Variants in FYB2 observed in about 807,000 individuals in gnomAD.
FYB2 encodes FYN binding protein 2, also known as FYN-binding protein 2.
A neutral mutation model predicts 94.1 loss-of-function variants in FYB2; 103 were observed. The observed-to-expected ratio is 1.09, with a 90% CI of 0.93 to 1.29. FYB2 has a LOEUF of 1.29. Ranked by LOEUF, FYB2 falls within the 50% of genes most tolerant of loss-of-function variation. The pLI is 0.00. For synonymous variants in FYB2, 293 were observed against 287.9 expected, an observed-to-expected ratio of 1.02 and a Z score of -0.18; for missense variants, 896 against 841.5, an observed-to-expected ratio of 1.06 and a Z score of -0.80.
chr1:56,748,819 T>A (rs1645128220), intron 9 of FYB2, among the ~76,000 whole-genome samples: 1 of 152,048 alleles, frequency 6.6e-6, no homozygotes, highest in African/African-American at 2.4e-5. Context: ...CATCCACAAC[T>A]TTCTATCTGT....
At chr1:56,787,235 AAG>A (rs1646152940) in intron 3 of FYB2, 27 bp from the exon 4 acceptor site, 2 of 1,613,722 alleles carry the variant, frequency 1.2e-6, no homozygotes, top group Admixed American at 1.7e-5. Flanking sequence ...CGGAATGAAA[AAG>A]AGGCATTTGC....
At chr1:56,819,591 C>T, upstream of FYB2, 1 of 542,280 alleles carries the variant, frequency 1.8e-6, no homozygotes, top group South Asian at 2.2e-5. Context: ...GCGGCTCTTC[C>T]CGTTGCTCCC....
At chr1:56,728,894 A>G (rs555220479) in intron 15 of FYB2, among the ~76,000 whole-genome samples, 1 of 152,270 alleles carries the variant, frequency 6.6e-6, no homozygotes, top group African/African-American at 2.4e-5. Context: ...TCTATACCCA[A>G]CACCTAGCAC....
intron 4 of FYB2, among the ~76,000 whole-genome samples, chr1:56,777,302 T>A (rs1352124814): frequency 6.1e-5 from 8 of 131,476 alleles, no homozygotes; most frequent in Admixed American, 1.6e-4. Flanking sequence ...AGATATCAAA[T>A]AACTTTCCCA....
chr1:56,825,628 A>C, the FYB2 span, among the ~76,000 whole-genome samples: 1 of 152,114 alleles, frequency 6.6e-6, no homozygotes, highest in Non-Finnish European at 1.5e-5. Flanking sequence ...TCATACCCTC[A>C]AGTGCCATGA....
At chr1:56,811,818 T>A (rs537878915) in intron 1 of FYB2, among the ~76,000 whole-genome samples, 139 of 152,366 alleles carry the variant, frequency 9.1e-4, no homozygotes, top group African/African-American at 2.5e-3. Flanking sequence ...ATGATTTTTT[T>A]AAAAGGGTGT....
At chr1:56,729,625 C>A (rs1024060804) in intron 15 of FYB2, among the ~76,000 whole-genome samples, 1 of 152,058 alleles carries the variant, frequency 6.6e-6, no homozygotes, top group South Asian at 2.1e-4. Flanking sequence ...AGAAAAACAG[C>A]AAACATCCTA....
intron 18 of FYB2, 52 bp downstream of exon 18, chr1:56,720,121 A>C: frequency 6.3e-7 from 1 of 1,585,840 alleles, no homozygotes. Context: ...AAAGCATTTT[A>C]AGATTTTTTA....
chr1:56,781,672 T>C (rs187994037), intron 4 of FYB2, among the ~76,000 whole-genome samples: 9 of 152,332 alleles, frequency 5.9e-5, no homozygotes, highest in African/African-American at 2.2e-4. Flanking sequence ...GCATCCAGAA[T>C]GATCTTTACA....
intron 13 of FYB2, among the ~76,000 whole-genome samples, 153 bp downstream of exon 13, chr1:56,740,543 CA>C (rs1464912112): frequency 1.3e-5 from 2 of 151,992 alleles, no homozygotes; most frequent in Non-Finnish European, 1.5e-5. Flanking sequence ...GTAGTTCAAT[CA>C]AAAATTCACA....
intron 17 of FYB2, among the ~76,000 whole-genome samples, chr1:56,721,783 G>A (rs750908491): frequency 2.9e-4 from 44 of 152,160 alleles, no homozygotes; most frequent in African/African-American, 1.0e-3. Flanking sequence ...CATGAAGACT[G>A]TTATGACTGC....
intron 1 of FYB2, among the ~76,000 whole-genome samples, chr1:56,807,883 A>T (rs1198829228): frequency 6.6e-6 from 1 of 152,224 alleles, no homozygotes; most frequent in Non-Finnish European, 1.5e-5. Flanking sequence ...AATGGCAACA[A>T]TAATAGTATT....
chr1:56,758,553 G>A (rs564700801), intron 6 of FYB2, among the ~76,000 whole-genome samples, 163 bp downstream of exon 6: 92 of 152,188 alleles, frequency 6.0e-4, no homozygotes, highest in African/African-American at 2.2e-3. Flanking sequence ...CAGTAACAGG[G>A]CTCAAAGTGC....
intron 1 of FYB2, among the ~76,000 whole-genome samples, chr1:56,808,105 C>A (rs1371227987): frequency 6.6e-6 from 1 of 152,086 alleles, no homozygotes; most frequent in Non-Finnish European, 1.5e-5. Flanking sequence ...TTTACTATAC[C>A]ACACTGGGTT....
intron 4 of FYB2, among the ~76,000 whole-genome samples, chr1:56,768,351 G>C (rs559753921): frequency 1.3e-5 from 2 of 152,286 alleles, no homozygotes; most frequent in Admixed American, 1.3e-4. Context: ...ATCTGAATAG[G>C]AAACTGAAAT....
intron 1 of FYB2, among the ~76,000 whole-genome samples, chr1:56,797,775 A>G (rs1285285411): frequency 6.6e-6 from 1 of 152,212 alleles, no homozygotes; most frequent in Non-Finnish European, 1.5e-5. Flanking sequence ...ATTCATATTT[A>G]CAATAACAGG....
intron 17 of FYB2, among the ~76,000 whole-genome samples, chr1:56,722,741 G>A (rs1644509543): frequency 6.6e-6 from 1 of 152,078 alleles, no homozygotes; most frequent in Non-Finnish European, 1.5e-5. Context: ...AAGCCAGGAA[G>A]ATATGCAAAG....
chr1:56,773,752 G>T (rs1164693477), intron 4 of FYB2, among the ~76,000 whole-genome samples: 1 of 152,134 alleles, frequency 6.6e-6, no homozygotes. Flanking sequence ...TATTTATTTT[G>T]TTAGGTTGAA....
At chr1:56,742,017 G>A (rs1569937024) in intron 12 of FYB2, 144 bp downstream of exon 12, 1 of 662,102 alleles carries the variant, frequency 1.5e-6, no homozygotes. Flanking sequence ...AACTCTCAGT[G>A]TGAATCTTTC....
Sources: allele counts gnomAD v4.1 joint callset (sites outside exome capture counted in the v4.1 genomes callset), GRCh38; gene constraint gnomAD v4.1.1; transcripts MANE v1.5; gene names NCBI Gene and HGNC (gene_info 2026-07-23, HGNC 2026-07-21).